Variants in IMMP2L observed in about 807,000 individuals in gnomAD.
IMMP2L encodes mitochondrial inner membrane protease subunit 2.
IMMP2L carries 18 observed loss-of-function variants against 19.3 expected under a neutral mutation model. The ratio of observed to expected loss-of-function variants is 0.93; its 90% confidence interval spans 0.64 to 1.38. IMMP2L has a LOEUF of 1.38. Among genes scored for constraint, IMMP2L ranks in the 40% most tolerant of loss-of-function variants. The probability of loss-of-function intolerance (pLI) is 0.00; values close to 1 mark genes in which losing one functional copy is unlikely to be tolerated. For synonymous variants in IMMP2L, 76 were observed against 73.0 expected, an observed-to-expected ratio of 1.04 and a Z score of -0.21; for missense variants, 233 against 218.2, an observed-to-expected ratio of 1.07 and a Z score of -0.43.
intron 3 of IMMP2L, among the ~76,000 whole-genome samples, chr7:111,469,905 A>G (rs1426960367): frequency 6.6e-6 from 1 of 152,188 alleles, no homozygotes; most frequent in East Asian, 1.9e-4. Flanking sequence ...GCTTCTGCAC[A>G]GCAAAAGAAA....
intron 3 of IMMP2L, among the ~76,000 whole-genome samples, chr7:111,152,035 T>C (rs1438888265): frequency 6.6e-6 from 1 of 152,178 alleles, no homozygotes; most frequent in Non-Finnish European, 1.5e-5. Flanking sequence ...TGAATGACCT[T>C]ATCCATAGAT....
intron 3 of IMMP2L, among the ~76,000 whole-genome samples, chr7:110,970,276 AGTTT>A (rs951791893): frequency 1.3e-5 from 2 of 152,162 alleles, no homozygotes; most frequent in African/African-American, 4.8e-5. Context: ...AATTTCCAAC[AGTTT>A]GTTAACTCAA....
At chr7:110,693,713 G>A (rs1175318572) in intron 5 of IMMP2L, among the ~76,000 whole-genome samples, 1 of 152,198 alleles carries the variant, frequency 6.6e-6, no homozygotes, top group Non-Finnish European at 1.5e-5. Flanking sequence ...AAAATAAGAT[G>A]TGTTCTGAGT....
chr7:111,340,113 G>C (rs1406001252), intron 3 of IMMP2L, among the ~76,000 whole-genome samples: 1 of 151,924 alleles, frequency 6.6e-6, no homozygotes, highest in African/African-American at 2.4e-5. Flanking sequence ...AAAAGTTATT[G>C]GGTATCAAAT....
chr7:111,385,539 C>T (rs1563128528), intron 3 of IMMP2L, among the ~76,000 whole-genome samples: 1 of 152,126 alleles, frequency 6.6e-6, no homozygotes, highest in Non-Finnish European at 1.5e-5. Context: ...ACAGGACTAG[C>T]AGTATCACTC....
At chr7:111,452,650 C>T (rs1193729011) in intron 3 of IMMP2L, among the ~76,000 whole-genome samples, 2 of 152,098 alleles carry the variant, frequency 1.3e-5, no homozygotes, top group Non-Finnish European at 2.9e-5. Flanking sequence ...CTTCCTGTTC[C>T]TCTGCCACTA....
intron 1 of IMMP2L, among the ~76,000 whole-genome samples, chr7:111,543,811 C>T (rs556452517): frequency 1.3e-5 from 2 of 152,074 alleles, no homozygotes; most frequent in Non-Finnish European, 2.9e-5. Flanking sequence ...CCTTTCATTC[C>T]CTTTTGACTA....
chr7:111,112,587 T>C (rs1171418718), intron 3 of IMMP2L, among the ~76,000 whole-genome samples: 2 of 152,206 alleles, frequency 1.3e-5, no homozygotes, highest in Non-Finnish European at 2.9e-5. Context: ...GAATGTATGT[T>C]GTTCTATTTT....
intron 3 of IMMP2L, chr7:111,125,203 A>AT (rs1004690586): frequency 5.9e-5 from 15 of 255,204 alleles, no homozygotes; most frequent in African/African-American, 1.4e-4. Flanking sequence ...ACATTTCTGT[A>AT]TTTTTTTTAA....
intron 3 of IMMP2L, among the ~76,000 whole-genome samples, chr7:111,446,196 G>T (rs1365558746): frequency 6.6e-6 from 1 of 152,180 alleles, no homozygotes; most frequent in African/African-American, 2.4e-5. Flanking sequence ...AAACTGGGTG[G>T]AGCCCGCCAC....
chr7:111,544,888 C>T (rs1450007033), intron 1 of IMMP2L, among the ~76,000 whole-genome samples: 1 of 151,200 alleles, frequency 6.6e-6, no homozygotes, highest in Non-Finnish European at 1.5e-5. Context: ...TTAAAGGATC[C>T]CTGAGAATGG....
intron 2 of IMMP2L, among the ~76,000 whole-genome samples, chr7:111,496,751 C>A (rs1227147103): frequency 6.6e-6 from 1 of 152,164 alleles, no homozygotes; most frequent in African/African-American, 2.4e-5. Context: ...GTTATACCAT[C>A]AGCTTCTGTG....
intron 4 of IMMP2L, among the ~76,000 whole-genome samples, chr7:110,941,040 T>C (rs1342089120): frequency 6.6e-6 from 1 of 152,192 alleles, no homozygotes; most frequent in East Asian, 1.9e-4. Flanking sequence ...TTGAGAGTTA[T>C]GCTCAGCATA....
intron 3 of IMMP2L, among the ~76,000 whole-genome samples, chr7:111,444,593 T>C (rs1838108229): frequency 6.6e-6 from 1 of 152,200 alleles, no homozygotes. Context: ...CTTTTCTTCA[T>C]TCTCCTTCTC....
At chr7:111,380,476 AT>A (rs1365401384) in intron 3 of IMMP2L, among the ~76,000 whole-genome samples, 2 of 151,846 alleles carry the variant, frequency 1.3e-5, no homozygotes, top group African/African-American at 2.4e-5. Context: ...TAGGGTTCAG[AT>A]TTTTTTTCTT....
intron 3 of IMMP2L, among the ~76,000 whole-genome samples, chr7:111,226,369 A>G (rs1228273465): frequency 6.6e-6 from 1 of 151,800 alleles, no homozygotes; most frequent in Non-Finnish European, 1.5e-5. Flanking sequence ...AGGTCTCACT[A>G]TGTTGCCCAC....
rs371582637 is a variant in IMMP2L, at chr7:110,817,893, G to A, written c.408+68700C>T. Among the ~76,000 whole-genome samples, 76 of 152,190 alleles carry A rather than the reference G, an allele frequency of 5.0e-4. 3 individuals are homozygous for A. The South Asian group carries it at 9.8e-3, about 20-fold the overall frequency. ...TTTCCTATTTAATAAATGGTGCTGC[G>A]AAAACTGGCTAGCTGTATGTAGAAA... On this transcript the variant is annotated intron_variant, in intron 5 of 5. Transcript: ENST00000405709.
intron 5 of IMMP2L, among the ~76,000 whole-genome samples, chr7:110,881,620 C>G (rs1563050023): frequency 6.6e-6 from 1 of 151,880 alleles, no homozygotes; most frequent in Non-Finnish European, 1.5e-5. Flanking sequence ...GTCTAATGAC[C>G]TTTTTTAAAA....
At chr7:111,191,008 G>A (rs554596115) in intron 3 of IMMP2L, among the ~76,000 whole-genome samples, 2 of 152,096 alleles carry the variant, frequency 1.3e-5, no homozygotes, top group African/African-American at 2.4e-5. Context: ...GCGGGCAAAC[G>A]GAATAGGAAA....
Sources: gnomAD v4.1 joint callset for allele counts (sites outside exome capture counted in the v4.1 genomes callset) on GRCh38, gnomAD v4.1.1 for gene constraint, MANE v1.5 for transcripts, NCBI Gene and HGNC (gene_info 2026-07-23, HGNC 2026-07-21) for gene names.